DNAH9: variants seen among roughly 807,000 people sequenced by gnomAD.
DNAH9 encodes the protein DNAH9 variant protein.
DNAH9 carries 345 observed loss-of-function variants against 471.6 expected under a neutral mutation model. The ratio of observed to expected loss-of-function variants is 0.73; its 90% confidence interval spans 0.67 to 0.80. The LOEUF (loss-of-function observed/expected upper bound fraction) is 0.80, where lower values mean the gene tolerates loss of function less well. Among genes scored for constraint, DNAH9 ranks in the 30% least tolerant of loss-of-function variants. The pLI is 0.00. For synonymous variants in DNAH9, 2,093 were observed against 2,123.6 expected (o/e 0.99, Z 0.40); for missense variants, 5,407 against 5,609.2 (o/e 0.96, Z 1.15).
intron 62 of DNAH9, among the ~76,000 whole-genome samples, chr17:11,927,499 T>A (rs1974372975): frequency 1.3e-5 from 2 of 152,208 alleles, no homozygotes; most frequent in Admixed American, 6.5e-5. Context: ...CCAGCACCAT[T>A]TATTAAATAG....
At position 11,809,163 on chromosome 17, in the gene DNAH9, A is replaced by G. The variant is rs150821422; in HGVS notation, c.8584-1083A>G. Among the ~76,000 whole-genome samples, 6 of 152,218 alleles carry G rather than the reference A, an allele frequency of 3.9e-5. No homozygotes were observed. In the East Asian group the frequency reaches 1.2e-3, roughly 29 times the overall value. ...CTAGCCCAAAATGTCATCCATCTGC[A>G]GTTTTCAATGTATATAATTTCCTAC... On this transcript the variant is annotated intron_variant, in intron 44 of 68. Transcript: ENST00000262442.
At position 11,768,578 on chromosome 17, in the gene DNAH9, G is replaced by T. The variant is rs780023692; in HGVS notation, c.7296G>T (p.Trp2432Cys). Residue 2432 changes from tryptophan (W) to cysteine (C), a missense_variant, in exon 37 of 69, where the codon TGG becomes TGT. Trp to Cys is a radical substitution (Grantham distance 215). This residue lies in a region of DNAH9 where 4,636 missense variants were observed against 4,900.3 expected (regional missense o/e 0.95). Coordinates refer to ENST00000262442, the MANE Select transcript of DNAH9 (RefSeq NM_001372.4). ...IDPETKKFEP[W>C]SKLVPQFEFD... Reference sequence around the variant, plus strand: ...CAGAGACCAAGAAATTCGAGCCTTGGTCCAAGCTCGTCCCCCAGTTCGAAT... The same window carrying T: ...CAGAGACCAAGAAATTCGAGCCTTGTTCCAAGCTCGTCCCCCAGTTCGAAT... 6.2e-7 allele frequency: 1 copy of T among 1,614,100 alleles called. No individual in the cohort carries two copies.
chr17:11,721,307 T>G (rs947269197), intron 27 of DNAH9, among the ~76,000 whole-genome samples: 8 of 152,170 alleles, frequency 5.3e-5, no homozygotes, highest in Non-Finnish European at 1.2e-4. Context: ...TTTTGTTTGT[T>G]TGTTTTTCAA....
At chr17:11,745,491 C>T (rs2075508613) in intron 31 of DNAH9, among the ~76,000 whole-genome samples, 1 of 152,198 alleles carries the variant, frequency 6.6e-6, no homozygotes, top group Non-Finnish European at 1.5e-5. Flanking sequence ...ATACCCCTCC[C>T]AGCCTCCTGG....
chr17:11,762,770 G>GTTTTTTTTTTTTTTTT lies in DNAH9; in HGVS notation c.6996-658_6996-643dup, dbSNP rs563544881. Reference sequence around the variant, plus strand: ...CCTCTTTAGGTGCGTTTTTTTTTTTGTTTTTTTTTTTTTTTTTTTTTTTTT... The same window carrying GTTTTTTTTTTTTTTTT: ...CCTCTTTAGGTGCGTTTTTTTTTTTGTTTTTTTTTTTTTTTTTTTTTTTTTTTTTTTTTTTTTTTTT... On this transcript the variant is annotated intron_variant, in intron 35 of 68. Coordinates refer to ENST00000262442, the MANE Select transcript of DNAH9 (RefSeq NM_001372.4). 1.3e-4 allele frequency among the ~76,000 whole-genome samples: 12 copies of GTTTTTTTTTTTTTTTT among 90,794 alleles called. 2 individuals carry two copies. The highest frequency in any genetic ancestry group is 2.6e-4 in the Non-Finnish European group (12 of 45,776). 59.6% of individuals were successfully genotyped at this position (90,794 alleles called of 152,430 possible).
At chr17:11,751,630 T>G (rs572860561) in intron 32 of DNAH9, among the ~76,000 whole-genome samples, 51 of 152,046 alleles carry the variant, frequency 3.4e-4, no homozygotes, top group African/African-American at 1.2e-3. Context: ...GAAAACAAAG[T>G]CATTCTGAAT....
chr17:11,951,567 T>C (rs1975360991), intron 67 of DNAH9, among the ~76,000 whole-genome samples: 1 of 152,022 alleles, frequency 6.6e-6, no homozygotes, highest in Non-Finnish European at 1.5e-5. Context: ...GGAGGACTGC[T>C]TGAGGCCAGG....
intron 61 of DNAH9, among the ~76,000 whole-genome samples, chr17:11,906,957 C>G (rs1156321689): frequency 1.3e-5 from 2 of 152,090 alleles, no homozygotes; most frequent in East Asian, 1.9e-4. Context: ...CAGCAAACCA[C>G]CATGGCACAT....
At position 11,611,731 on chromosome 17, in the gene DNAH9, G is replaced by A; in HGVS notation, c.855G>A (p.Gln285=). Residue 285 remains glutamine, a synonymous_variant, in exon 4 of 69, where the codon CAG becomes CAA. Transcript: ENST00000262442. The part of the protein sequence containing the change: ...RGMAKLLDKL[Q]SSYFPAFKAM... ...TGGCCAAGCTCCTGGACAAGCTTCA[G>A]AGTAGCTACTTTCCAGCTTTCAAAG... 6.2e-7 allele frequency: 1 copy of A among 1,614,024 alleles called. No individual in the cohort carries two copies. The highest frequency in any genetic ancestry group is 8.5e-7 in the Non-Finnish European group (1 of 1,179,830).
intron 14 of DNAH9, among the ~76,000 whole-genome samples, chr17:11,662,472 A>G (rs535633197): frequency 2.0e-5 from 3 of 152,230 alleles, no homozygotes; most frequent in Non-Finnish European, 4.4e-5. Context: ...GGTTTAATGA[A>G]TAGGCTTTCT....
chr17:11,831,041 A>G (rs1022378933), intron 48 of DNAH9, among the ~76,000 whole-genome samples: 3 of 152,210 alleles, frequency 2.0e-5, no homozygotes, highest in African/African-American at 7.2e-5. Flanking sequence ...ATCTAAAAGG[A>G]AAGCTTCCTT....
Position 11,745,044 on chromosome 17 carries a change from T to A in DNAH9, c.6359T>A (p.Val2120Glu), listed in dbSNP as rs1043253440. 9 of 1,614,122 alleles carry A rather than the reference T, an allele frequency of 5.6e-6. No homozygotes were observed. Among genetic ancestry groups the A allele is most frequent in the Non-Finnish European group, 7.6e-6 (9 of 1,179,972 alleles). Residue 2120 changes from valine to glutamate, a missense_variant, in exon 31 of 69, where the codon GTG becomes GAG. Coordinates refer to ENST00000262442, the MANE Select transcript of DNAH9 (RefSeq NM_001372.4). The stretch of plus-strand genomic sequence containing the variant: ...GAAGCTTTGGTTAGGAAGGCGATAG[T>A]GGATCTGAAGCTCCAGGCTGAGGAC... ...NFEALVRKAI[V>E]DLKLQAEDNF... is the part of the protein sequence containing the mutation.
chr17:11,849,203 C>T (rs536515945), intron 49 of DNAH9, among the ~76,000 whole-genome samples: 7 of 152,240 alleles, frequency 4.6e-5, no homozygotes, highest in South Asian at 2.1e-4. Context: ...AATCCAATCA[C>T]TTCTCACCAT....
In DNAH9 at chr17:11,869,153, C is replaced by A. The variant is rs560439403; in HGVS notation, c.9953C>A (p.Ala3318Glu). 5.0e-6 allele frequency: 8 copies of A among 1,613,592 alleles called. No homozygotes were observed. In the African/African-American group the frequency reaches 5.3e-5, roughly 11 times the overall value. ...AKIAHLNENL[A>E]KLTARFEKAT... ...AAACAGCACCTTAATGAAAACCTGG[C>A]AAAGCTCACAGCCAGGTTTGAGAAA... Residue 3318 changes from alanine to glutamate, a missense_variant, in exon 51 of 69, where the codon GCA (alanine) becomes GAA (glutamate). Around this residue, in one of 3 missense-constraint regions of DNAH9, gnomAD observed 4,636 missense variants for 4,900.3 expected, o/e 0.95. Coordinates refer to ENST00000262442, the MANE Select transcript of DNAH9 (RefSeq NM_001372.4).
Position 11,930,030 on chromosome 17 carries a change from C to A in DNAH9, c.12042C>A (p.Ile4014=). 3 of 1,614,142 alleles carry A rather than the reference C, an allele frequency of 1.9e-6. No homozygotes were observed. The highest frequency in any genetic ancestry group is 2.5e-6 in the Non-Finnish European group (3 of 1,180,020). The change falls in exon 63 of 69, where the codon ATC becomes ATA. Residue 4014 remains isoleucine, a synonymous_variant. Transcript: ENST00000262442. ...GCATCCTGGAGAACTCCATTAAGATCACCAATGAGCCCCCCACGGGCATGC... is the reference window on the plus strand; with the variant it reads ...GCATCCTGGAGAACTCCATTAAGATAACCAATGAGCCCCCCACGGGCATGC... ...PQGILENSIK[I]TNEPPTGMHA...
At chr17:11,660,333 T>TG (rs1343232557) in intron 14 of DNAH9, among the ~76,000 whole-genome samples, 1 of 119,758 alleles carries the variant, frequency 8.4e-6, no homozygotes, top group Non-Finnish European at 1.9e-5. Flanking sequence ...TTTTTTTTTT[T>TG]TTTTTTTGAG....
At chr17:11,891,720 A>T (rs1015630708) in intron 57 of DNAH9, 57 bp from the exon 58 acceptor site, 2 of 1,564,908 alleles carry the variant, frequency 1.3e-6, no homozygotes, top group African/African-American at 2.7e-5. Flanking sequence ...AGGTAAGACC[A>T]CTAGTGTATA....
chr17:11,929,024 C>CTT lies in DNAH9; in HGVS notation c.11878-819_11878-818dup, dbSNP rs71142254. On this transcript the variant is annotated intron_variant, in intron 62 of 68. Transcript: ENST00000262442. ...TTGGAAGATGACCAAGTGTTACAGC[C>CTT]TTTTTTTTTTTTTTTTTTTTTTTTA... Among the ~76,000 whole-genome samples the CTT allele has an allele frequency of 7.1e-3, 731 of 102,910 alleles. 27 individuals carry two copies. Among genetic ancestry groups the CTT allele is most frequent in the African/African-American group, 0.025 (676 of 27,142 alleles). The allele number at this position is 102,910 out of a possible 152,430, so 67.5% of individuals were successfully genotyped here.
At chr17:11,867,834 A>G (rs1157007744) in intron 50 of DNAH9, among the ~76,000 whole-genome samples, 1 of 152,224 alleles carries the variant, frequency 6.6e-6, no homozygotes, top group Non-Finnish European at 1.5e-5. Context: ...ACATGGTGAC[A>G]TAGGTGACTG....
Sources: gnomAD v4.1 joint callset for allele counts (sites outside exome capture counted in the v4.1 genomes callset) on GRCh38, gnomAD v4.1.1 for gene constraint, gnomAD v4.1.1 regional missense constraint, MANE v1.5 for transcripts, NCBI Gene and HGNC (gene_info 2026-07-23, HGNC 2026-07-21) for gene names.